ZDHHC15: variants seen among roughly 807,000 people sequenced by gnomAD.
The protein encoded by ZDHHC15 is palmitoyltransferase ZDHHC15.
A neutral mutation model predicts 31.7 loss-of-function variants in ZDHHC15; 19 were observed. That is an observed-to-expected ratio of 0.60 (90% CI 0.42 to 0.88). ZDHHC15 has a LOEUF of 0.88. Ranked by LOEUF, ZDHHC15 falls within the 40% of genes least tolerant of loss-of-function variation. The probability of loss-of-function intolerance (pLI) is 0.00; values close to 1 mark genes in which losing one functional copy is unlikely to be tolerated. For synonymous variants in ZDHHC15, 103 were observed against 90.0 expected, an observed-to-expected ratio of 1.14 and a Z score of -0.82; for missense variants, 209 against 251.2, an observed-to-expected ratio of 0.83 and a Z score of 1.14.
intron 10 of ZDHHC15, among the ~76,000 whole-genome samples, chrX:75,415,049 C>T (rs769726592): frequency 4.4e-4 from 49 of 110,701 alleles, no homozygotes; most frequent in Non-Finnish European, 7.9e-4. Context: ...GCTGGGATTA[C>T]AAGCGTGAGC....
intron 3 of ZDHHC15, among the ~76,000 whole-genome samples, chrX:75,463,573 T>C (rs866921690): frequency 3.0e-5 from 1 of 33,544 alleles, no homozygotes; most frequent in Admixed American, 6.0e-4. Context: ...AGAACTCAAA[T>C]TTACAACAAC....
At chrX:75,516,826 C>T (rs1360082196) in intron 1 of ZDHHC15, among the ~76,000 whole-genome samples, 1 of 110,245 alleles carries the variant, frequency 9.1e-6, no homozygotes, top group Non-Finnish European at 1.9e-5. Flanking sequence ...AAAATTTTTA[C>T]AATCTACACA....
At chrX:75,384,932 C>A (rs1165604274) in intron 10 of ZDHHC15, 1 of 445,146 alleles carries the variant, frequency 2.2e-6, no homozygotes, top group Non-Finnish European at 3.9e-6. Context: ...TATCTACTAT[C>A]GCCAATATGC....
chrX:75,502,440 G>C (rs1277574574), intron 2 of ZDHHC15, among the ~76,000 whole-genome samples: 1 of 111,882 alleles, frequency 8.9e-6, no homozygotes, highest in Non-Finnish European at 1.9e-5. Flanking sequence ...CTGTTATTTA[G>C]AAATTACATC....
At chrX:75,456,235 G>C (rs1235352270) in intron 3 of ZDHHC15, among the ~76,000 whole-genome samples, 1 of 109,808 alleles carries the variant, frequency 9.1e-6, no homozygotes, top group African/African-American at 3.3e-5. Flanking sequence ...CCATCATTCT[G>C]AGCAAACTAT....
chrX:75,382,352 T>C (rs2083123159), intron 10 of ZDHHC15, among the ~76,000 whole-genome samples: 1 of 112,510 alleles, frequency 8.9e-6, no homozygotes, highest in Non-Finnish European at 1.9e-5. Context: ...ATCCATGATA[T>C]TACTGCATGA....
In ZDHHC15 at chrX:75,379,161, C is replaced by T. The variant is rs763194511; in HGVS notation, c.1005G>A (p.Thr335=). The T allele has an allele frequency of 1.4e-5, 17 of 1,209,401 alleles. No homozygotes were observed. The highest frequency in any genetic ancestry group is 3.0e-5 in the East Asian group (1 of 33,749). The change falls in exon 11 of 12, where the codon ACG becomes ACA. Residue 335 remains threonine, a synonymous_variant. Coordinates refer to ENST00000373367, the MANE Select transcript of ZDHHC15 (RefSeq NM_144969.3). ...GGAAATGTGAAAACTGCTATGTTTC[C>T]GTTTCCACAGCAAGAGATGATGAGC... ...PEGSSSLAVE[T]ET
At chrX:75,428,702 C>A (rs889166287) in intron 7 of ZDHHC15, among the ~76,000 whole-genome samples, 2 of 111,781 alleles carry the variant, frequency 1.8e-5, no homozygotes, top group African/African-American at 3.2e-5. Context: ...ATTTGTTAGC[C>A]TTTTTCTTAG....
At chrX:75,438,384 C>T (rs181803916) in intron 4 of ZDHHC15, among the ~76,000 whole-genome samples, 1 of 111,830 alleles carries the variant, frequency 8.9e-6, no homozygotes, top group Admixed American at 9.5e-5. Context: ...TGATATTTTC[C>T]TGTTTAACTG....
chrX:75,402,474 A>C, intron 10 of ZDHHC15, among the ~76,000 whole-genome samples: 1 of 111,068 alleles, frequency 9.0e-6, no homozygotes, highest in East Asian at 2.8e-4. Context: ...TTGAAACATT[A>C]AAAAAATGGA....
chrX:75,446,893 A>C (rs766461591), intron 4 of ZDHHC15, among the ~76,000 whole-genome samples: 38 of 111,745 alleles, frequency 3.4e-4, no homozygotes, highest in South Asian at 2.3e-3. Flanking sequence ...ACAGGATTTC[A>C]ATATATAAAT....
chrX:75,435,758 G>A (rs996702974), intron 4 of ZDHHC15, among the ~76,000 whole-genome samples: 2 of 111,857 alleles, frequency 1.8e-5, no homozygotes, highest in Non-Finnish European at 3.8e-5. Context: ...TTTTGTTGAG[G>A]ATTTCTGCAT....
At chrX:75,445,507 T>C (rs1454170947) in intron 4 of ZDHHC15, among the ~76,000 whole-genome samples, 1 of 111,948 alleles carries the variant, frequency 8.9e-6, no homozygotes, top group African/African-American at 3.2e-5. Context: ...CTGAACAAAG[T>C]GCTAAAAGAA....
intron 10 of ZDHHC15, among the ~76,000 whole-genome samples, chrX:75,405,283 G>T (rs755189431): frequency 1.8e-5 from 2 of 111,260 alleles, no homozygotes; most frequent in South Asian, 7.6e-4. Flanking sequence ...TAGGTACTAA[G>T]CCTAATACCT....
chrX:75,482,746 A>T (rs2084710619), intron 2 of ZDHHC15, among the ~76,000 whole-genome samples: 1 of 110,837 alleles, frequency 9.0e-6, no homozygotes, highest in South Asian at 3.8e-4. Context: ...AAAATATATA[A>T]ACTTCTTATG....
At chrX:75,417,618 G>A (rs769199798) in intron 9 of ZDHHC15, among the ~76,000 whole-genome samples, 8 of 111,935 alleles carry the variant, frequency 7.1e-5, no homozygotes, top group East Asian at 5.7e-4. Context: ...AAGACAATGC[G>A]CAAATGCACT....
chrX:75,515,584 C>G (rs970917294), intron 1 of ZDHHC15, among the ~76,000 whole-genome samples: 7 of 111,624 alleles, frequency 6.3e-5, no homozygotes, highest in Non-Finnish European at 1.1e-4. Flanking sequence ...GAATGTATCT[C>G]AAAATAGTAA....
intron 3 of ZDHHC15, among the ~76,000 whole-genome samples, chrX:75,454,967 C>T (rs1401104939): frequency 1.8e-5 from 2 of 111,023 alleles, no homozygotes; most frequent in Admixed American, 9.7e-5. Flanking sequence ...GATTCAATGT[C>T]ATCCCCATCA....
intron 2 of ZDHHC15, among the ~76,000 whole-genome samples, chrX:75,502,584 G>A (rs909788045): frequency 1.8e-5 from 2 of 111,485 alleles, no homozygotes; most frequent in African/African-American, 6.5e-5. Flanking sequence ...GGACCTTTTT[G>A]CAGAAGAGCA....
Sources: gnomAD v4.1 joint callset for allele counts (sites outside exome capture counted in the v4.1 genomes callset) on GRCh38, gnomAD v4.1.1 for gene constraint, MANE v1.5 for transcripts, NCBI Gene and HGNC (gene_info 2026-07-23, HGNC 2026-07-21) for gene names.